The following SCP2 variants were observed in gnomAD, a reference collection of about 807,000 sequenced individuals.
SCP2 encodes SCP-2/3-oxoacyl-CoA thiolase.
SCP2 carries 48 observed loss-of-function variants against 71.4 expected under a neutral mutation model. That is an observed-to-expected ratio of 0.67 (90% confidence interval 0.53 to 0.86). The LOEUF is 0.86. SCP2 is among the 40% of genes least tolerant of loss of function. The pLI, the probability that SCP2 is intolerant of heterozygous loss-of-function variation, is 0.00. For synonymous variants in SCP2, 220 were observed against 218.1 expected (o/e 1.01, Z -0.08); for missense variants, 560 against 655.6 (o/e 0.85, Z 1.59).
intron 13 of SCP2, among the ~76,000 whole-genome samples, chr1:53,035,401 A>G (rs1662853945): frequency 6.6e-6 from 1 of 152,174 alleles, no homozygotes. Flanking sequence ...GGCAAAAAAA[A>G]GACAACATTT....
At chr1:52,986,074 A>G (rs1658960031) in intron 10 of SCP2, among the ~76,000 whole-genome samples, 1 of 152,154 alleles carries the variant, frequency 6.6e-6, no homozygotes, top group South Asian at 2.1e-4. Context: ...TATTGTATCC[A>G]TAAGTTCCTA....
chr1:52,932,419 G>A (rs1486003061), intron 1 of SCP2, among the ~76,000 whole-genome samples: 1 of 152,118 alleles, frequency 6.6e-6, no homozygotes, highest in Admixed American at 6.6e-5. Flanking sequence ...ATTTTTTAAT[G>A]TAAGTGCTAA....
chr1:53,044,738 G>T (rs970344118), intron 14 of SCP2, among the ~76,000 whole-genome samples: 3 of 152,144 alleles, frequency 2.0e-5, no homozygotes, highest in African/African-American at 7.2e-5. Context: ...TGCCTAAAAC[G>T]TTGACTGCTG....
At chr1:53,030,992 G>A (rs1662507671) in intron 13 of SCP2, among the ~76,000 whole-genome samples, 1 of 150,116 alleles carries the variant, frequency 6.7e-6, no homozygotes, top group African/African-American at 2.4e-5. Context: ...CATTACAAGT[G>A]TTCCTATAAA....
Position 52,961,436 on chromosome 1 carries a change from C to T in SCP2, c.397-67C>T, listed in dbSNP as rs78692680. 4.2e-5 allele frequency: 63 copies of T among 1,505,066 alleles called. No homozygotes were observed. The East Asian group carries it at 8.2e-4, about 20-fold the overall frequency. The allele number at this position is 1,505,066 out of a possible 1,614,324, so 93.2% of individuals were successfully genotyped here. A position where few individuals can be genotyped will look rare whatever the true frequency, so the allele number is the denominator to read the frequency against. ...AGAATAAATAAATATCTTAATAGCA[C>T]TGTAGTAGTTTTGAAAGAGACACTT... On this transcript the variant is annotated intron_variant, in intron 5 of 15. Transcript: ENST00000371514.
chr1:53,048,310 C>A (rs2896792), intron 15 of SCP2: 173 of 309,754 alleles, frequency 5.6e-4, no homozygotes, highest in Non-Finnish European at 1.2e-4. Flanking sequence ...AGTACCCAGG[C>A]GGAAAGTAGG....
intron 14 of SCP2, 36 bp from the exon 15 acceptor site, chr1:53,047,822 C>T (rs774100431): frequency 1.8e-5 from 25 of 1,419,638 alleles, no homozygotes; most frequent in Middle Eastern, 3.5e-4. Context: ...CTGAACACCT[C>T]CTATTCTCCT....
At chr1:53,038,768 A>G in intron 13 of SCP2, 149 bp from the exon 14 acceptor site, 1 of 960,864 alleles carries the variant, frequency 1.0e-6, no homozygotes, top group Non-Finnish European at 1.6e-6. Context: ...TGCCTTTCAG[A>G]CTTTTCTGGG....
At chr1:52,992,645 G>A (rs1184789251) in intron 11 of SCP2, among the ~76,000 whole-genome samples, 2 of 152,102 alleles carry the variant, frequency 1.3e-5, no homozygotes, top group African/African-American at 4.8e-5. Flanking sequence ...AATACAATAG[G>A]CATTTGGTAT....
intron 11 of SCP2, chr1:52,995,368 A>G (rs1659856093): frequency 2.1e-6 from 1 of 468,960 alleles, no homozygotes; most frequent in East Asian, 5.2e-5. Context: ...GAAGCTGACC[A>G]CACCAAACTA....
intron 12 of SCP2, among the ~76,000 whole-genome samples, chr1:53,023,203 A>T (rs1378510091): frequency 6.6e-6 from 1 of 152,196 alleles, no homozygotes; most frequent in African/African-American, 2.4e-5. Flanking sequence ...TTGGTTCATC[A>T]CTAACTTCAT....
chr1:52,980,864 T>C (rs570601241), intron 10 of SCP2, among the ~76,000 whole-genome samples: 110 of 152,372 alleles, frequency 7.2e-4, no homozygotes, highest in African/African-American at 2.6e-3. Context: ...TCATTTGCTT[T>C]CAACCTATTT....
At chr1:52,964,478 GT>G (rs1656772076) in intron 6 of SCP2, among the ~76,000 whole-genome samples, 1 of 151,898 alleles carries the variant, frequency 6.6e-6, no homozygotes, top group African/African-American at 2.4e-5. Flanking sequence ...GGGATTACAG[GT>G]GTGAGCCACC....
intron 13 of SCP2, among the ~76,000 whole-genome samples, chr1:53,037,045 G>A (rs1662999115): frequency 6.6e-6 from 1 of 152,150 alleles, no homozygotes; most frequent in Non-Finnish European, 1.5e-5. Context: ...GCTGAGGCAA[G>A]AGAATCGCTC....
At chr1:52,959,265 G>C (rs963450472) in intron 5 of SCP2, among the ~76,000 whole-genome samples, 4 of 149,294 alleles carry the variant, frequency 2.7e-5, no homozygotes, top group African/African-American at 9.9e-5. Flanking sequence ...GTGCAGTCTT[G>C]GCTCACCGCA....
At chr1:53,016,886 T>G (rs1661375381) in intron 12 of SCP2, among the ~76,000 whole-genome samples, 1 of 152,102 alleles carries the variant, frequency 6.6e-6, no homozygotes, top group Non-Finnish European at 1.5e-5. Flanking sequence ...GAGCTGGTGG[T>G]GGAGAGACCA....
intron 6 of SCP2, among the ~76,000 whole-genome samples, chr1:52,964,490 G>A (rs976825595): frequency 6.6e-6 from 1 of 151,810 alleles, no homozygotes. Context: ...GTGAGCCACC[G>A]TGCCTGGCCC....
rs17107713 is a variant in SCP2 at position 53,037,567 on chromosome 1, T to G, written c.1339-1350T>G. 7.9e-3 allele frequency among the ~76,000 whole-genome samples: 1,206 copies of G among 152,126 alleles called. 5 individuals are homozygous for G. Among genetic ancestry groups the G allele is most frequent in the African/African-American group, 0.012 (516 of 41,512 alleles). Reference sequence around the variant, plus strand: ...GAAGGGAAACCCCCTTGCAGAGATATAGGTCTGAGTTTTTTTTCTGTATTT... The same window carrying G: ...GAAGGGAAACCCCCTTGCAGAGATAGAGGTCTGAGTTTTTTTTCTGTATTT... On this transcript the variant is annotated intron_variant, in intron 13 of 15. Coordinates refer to ENST00000371514, the MANE Select transcript of SCP2 (RefSeq NM_002979.5).
At chr1:52,931,479 A>T (rs1653145134) in intron 1 of SCP2, among the ~76,000 whole-genome samples, 1 of 152,164 alleles carries the variant, frequency 6.6e-6, no homozygotes, top group Admixed American at 6.5e-5. Context: ...GAATCATCTG[A>T]GCTGTTAGGC....
Sources: allele counts gnomAD v4.1 joint callset (sites outside exome capture counted in the v4.1 genomes callset), GRCh38; gene constraint gnomAD v4.1.1; transcripts MANE v1.5; gene names NCBI Gene and HGNC (gene_info 2026-07-23, HGNC 2026-07-21).